DSE: variants seen among roughly 807,000 people sequenced by gnomAD.
DSE encodes dermatan sulfate epimerase.
DSE carries 36 observed loss-of-function variants against 84.4 expected under a neutral mutation model. The ratio of observed to expected loss-of-function variants is 0.43; its 90% CI spans 0.33 to 0.56. The LOEUF (loss-of-function observed/expected upper bound fraction) is 0.56. DSE is among the 20% of genes least tolerant of loss of function. The probability of loss-of-function intolerance (pLI) is 0.06; values close to 1 mark genes in which losing one functional copy is unlikely to be tolerated. For synonymous variants in DSE, 410 were observed against 430.1 expected (o/e 0.95, Z 0.58); for missense variants, 862 against 1,169.6 (o/e 0.74, Z 3.84).
intron 4 of DSE, 56 bp from the exon 5 acceptor site, chr6:116,433,287 A>G (rs1398088302): frequency 8.7e-6 from 13 of 1,497,552 alleles, no homozygotes; most frequent in South Asian, 2.4e-5. Flanking sequence ...GTTTAGACCT[A>G]TATAGGAGTG....
At chr6:116,388,199 A>G (rs1780683503) in intron 1 of DSE, among the ~76,000 whole-genome samples, 1 of 152,082 alleles carries the variant, frequency 6.6e-6, no homozygotes, top group Admixed American at 6.5e-5. Flanking sequence ...ACCCAGGAAA[A>G]CAGGTGGAAT....
intron 1 of DSE, among the ~76,000 whole-genome samples, chr6:116,374,844 C>G (rs1779823777): frequency 6.6e-6 from 1 of 152,200 alleles, no homozygotes; most frequent in South Asian, 2.1e-4. Context: ...GGTAGAGGCT[C>G]ATGACCCAAT....
At position 116,279,620 on chromosome 6, in the gene DSE, G is replaced by A. The variant is rs1773373935; in HGVS notation, c.-54+20653G>A. ...CCGCCACGGCCCGCGGCATCCTGGG[G>A]TACGCCCCCCTCCTCTGAAGGCGGT... is the stretch of plus-strand genomic sequence containing the variant. On this transcript the variant is annotated intron_variant, in intron 2 of 3. Coordinates refer to the DSE transcript ENST00000430252. The A allele has an allele frequency of 6.2e-7, 1 of 1,603,110 alleles. No individual in the cohort carries two copies. Among genetic ancestry groups the A allele is most frequent in the Non-Finnish European group, 8.5e-7 (1 of 1,179,838 alleles).
upstream of DSE, chr6:116,370,782 T>G: frequency 1.0e-6 from 1 of 966,224 alleles, no homozygotes; most frequent in Non-Finnish European, 1.2e-6. Flanking sequence ...GCGGTCGGGG[T>G]TCGGCCGGGG....
intron 4 of DSE, chr6:116,432,759 G>A (rs1017898408): frequency 1.3e-5 from 2 of 152,052 alleles, no homozygotes; most frequent in Non-Finnish European, 2.9e-5. Context: ...TTCCAAAAAT[G>A]ATATATGGCT....
Position 116,303,012 on chromosome 6 carries a change from T to C in DSE, c.-54+44045T>C, listed in dbSNP as rs534897043. Among the ~76,000 whole-genome samples the C allele has an allele frequency of 3.9e-5, 6 of 152,318 alleles. No homozygotes were observed. The South Asian group carries it at 1.2e-3, about 32-fold the overall frequency. ...TTCCACTGGTCTATATATATCTGTT[T>C]TGGTACCTGTACCATGCAAAATCAG... On this transcript the variant is annotated intron_variant, in intron 2 of 3. Transcript: ENST00000430252.
intron 2 of DSE, among the ~76,000 whole-genome samples, chr6:116,331,284 G>C (rs1036283347): frequency 3.3e-5 from 5 of 152,174 alleles, no homozygotes; most frequent in Non-Finnish European, 7.3e-5. Context: ...AAAGGAAAGA[G>C]ATTTAATTGA....
intron 2 of DSE, among the ~76,000 whole-genome samples, chr6:116,346,091 G>C (rs1777947143): frequency 6.6e-6 from 1 of 152,166 alleles, no homozygotes; most frequent in Non-Finnish European, 1.5e-5. Flanking sequence ...TCCCTGAATA[G>C]ATCAATAACA....
chr6:116,426,691 T>C lies in DSE; in HGVS notation c.534T>C (p.Leu178=). 3 of 1,614,188 alleles carry C rather than the reference T, an allele frequency of 1.9e-6. No individual in the cohort carries two copies. The highest frequency in any genetic ancestry group is 2.5e-6 in the Non-Finnish European group (3 of 1,180,034). Residue 178 remains leucine (L), a synonymous_variant, in exon 3 of 6, where the codon CTT becomes CTC. Coordinates refer to ENST00000644252, the MANE Select transcript of DSE (RefSeq NM_013352.4). ...GCAAGACACAACAGGAGAAGTTTCT[T>C]GAAGTGATTGCCAATGCCTCAGGGT... ...YLSKTQQEKF[L]EVIANASGYM... is the part of the protein sequence containing the mutation.
chr6:116,279,081 G>C (rs1186578989), intron 2 of DSE: 2 of 1,613,502 alleles, frequency 1.2e-6, no homozygotes, highest in South Asian at 2.2e-5. Context: ...CCAGCTGTTG[G>C]AAGGCCCTGT....
intron 2 of DSE, among the ~76,000 whole-genome samples, chr6:116,350,857 G>A (rs371415523): frequency 6.6e-6 from 1 of 151,430 alleles, no homozygotes; most frequent in African/African-American, 2.4e-5. Flanking sequence ...CTTTAGACAT[G>A]ACGAACATAG....
At chr6:116,288,380 A>C (rs1420548581) in intron 2 of DSE, 1 of 152,126 alleles carries the variant, frequency 6.6e-6, no homozygotes, top group Non-Finnish European at 1.5e-5. Flanking sequence ...TCTGGCACTA[A>C]ATTTTCAATT....
chr6:116,326,511 G>T (rs1309278764), intron 2 of DSE, among the ~76,000 whole-genome samples: 1 of 152,168 alleles, frequency 6.6e-6, no homozygotes, highest in Non-Finnish European at 1.5e-5. Flanking sequence ...TGGACCATTT[G>T]TCTCTTTTCA....
intron 2 of DSE, among the ~76,000 whole-genome samples, chr6:116,348,944 G>T (rs1337986513): frequency 6.6e-6 from 1 of 151,912 alleles, no homozygotes; most frequent in Non-Finnish European, 1.5e-5. Context: ...TTGGACACAG[G>T]GTGGGGAACA....
intron 1 of DSE, among the ~76,000 whole-genome samples, chr6:116,391,040 C>G (rs514533): frequency 0.75 from 114,051 of 152,044 alleles, 43,353 homozygotes; most frequent in African/African-American, 0.83. Flanking sequence ...GGGGGAGGAA[C>G]CCTTCAGACT....
At chr6:116,278,383 C>G (rs1383039288) in intron 2 of DSE, 2 of 1,157,846 alleles carry the variant, frequency 1.7e-6, no homozygotes, top group African/African-American at 3.1e-5. Context: ...AACTGAATAT[C>G]CAAAGGAAAC....
At chr6:116,299,296 A>G (rs1365678393) in intron 2 of DSE, among the ~76,000 whole-genome samples, 1 of 151,898 alleles carries the variant, frequency 6.6e-6, no homozygotes, top group Non-Finnish European at 1.5e-5. Flanking sequence ...GTGCTTACCT[A>G]AAATTTTGGG....
chr6:116,352,428 ATCTC>A (rs1245042359), intron 2 of DSE, among the ~76,000 whole-genome samples: 1 of 152,150 alleles, frequency 6.6e-6, no homozygotes, highest in Non-Finnish European at 1.5e-5. Flanking sequence ...CTCCAGAAGA[ATCTC>A]TCAATATGGT....
At chr6:116,264,345 A>G (rs1004764114) in intron 2 of DSE, among the ~76,000 whole-genome samples, 2 of 151,906 alleles carry the variant, frequency 1.3e-5, no homozygotes, top group African/African-American at 4.8e-5. Flanking sequence ...AATCTCTGAG[A>G]GTGTTTCCTC....
Sources: gnomAD v4.1 joint callset for allele counts (sites outside exome capture counted in the v4.1 genomes callset) on GRCh38, gnomAD v4.1.1 for gene constraint, MANE v1.5 for transcripts, NCBI Gene and HGNC (gene_info 2026-07-23, HGNC 2026-07-21) for gene names.